The following TMEM132B variants were observed in gnomAD, a reference collection of about 807,000 sequenced individuals.
The protein encoded by TMEM132B is transmembrane protein 132B.
A neutral mutation model predicts 90.8 loss-of-function variants in TMEM132B; 18 were observed. The ratio of observed to expected loss-of-function variants is 0.20; its 90% CI spans 0.14 to 0.29. The LOEUF (loss-of-function observed/expected upper bound fraction) is 0.29, where lower values mean the gene tolerates loss of function less well. TMEM132B is among the 10% of genes least tolerant of loss of function. TMEM132B has a pLI of 1.00. For synonymous variants in TMEM132B, 504 were observed against 523.3 expected, an observed-to-expected ratio of 0.96 and a Z score of 0.50; for missense variants, 1,096 against 1,326.8, an observed-to-expected ratio of 0.83 and a Z score of 2.70.
chr12:125,539,038 C>T (rs1297678174), intron 4 of TMEM132B, among the ~76,000 whole-genome samples: 1 of 152,172 alleles, frequency 6.6e-6, no homozygotes, highest in Non-Finnish European at 1.5e-5. Flanking sequence ...TGCCTGGTCT[C>T]CCTGTTCCAC....
intron 1 of TMEM132B, among the ~76,000 whole-genome samples, chr12:125,331,899 A>G (rs577398735): frequency 4.2e-4 from 64 of 152,130 alleles, no homozygotes; most frequent in Non-Finnish European, 8.5e-4. Context: ...GACTACAGAC[A>G]CTTGCTGTCT....
At chr12:125,457,168 G>A (rs1456592392) in intron 3 of TMEM132B, among the ~76,000 whole-genome samples, 2 of 152,202 alleles carry the variant, frequency 1.3e-5, no homozygotes, top group African/African-American at 4.8e-5. Flanking sequence ...GCAAGTGACA[G>A]GAAGCTGATG....
intron 1 of TMEM132B, among the ~76,000 whole-genome samples, chr12:125,285,813 G>A (rs1337215555): frequency 1.3e-5 from 2 of 152,204 alleles, no homozygotes; most frequent in East Asian, 1.9e-4. Flanking sequence ...AGGGGGCAAA[G>A]CGTTTCCCAG....
At chr12:125,615,143 C>T (rs1885956534) in intron 5 of TMEM132B, among the ~76,000 whole-genome samples, 1 of 151,932 alleles carries the variant, frequency 6.6e-6, no homozygotes, top group Non-Finnish European at 1.5e-5. Flanking sequence ...TGTGATGTGT[C>T]TGAGTGTGAA....
chr12:125,215,629 C>T (rs1873421798), intron 1 of TMEM132B, among the ~76,000 whole-genome samples: 2 of 152,208 alleles, frequency 1.3e-5, no homozygotes, highest in African/African-American at 2.4e-5. Context: ...ACAACCTCCA[C>T]CTCCCAGGCT....
intron 3 of TMEM132B, among the ~76,000 whole-genome samples, chr12:125,466,541 A>G (rs891181324): frequency 6.6e-6 from 1 of 152,250 alleles, no homozygotes; most frequent in Non-Finnish European, 1.5e-5. Flanking sequence ...AGCAACTGAC[A>G]TGATTCACAG....
At chr12:125,399,578 G>A (rs142554279) in intron 2 of TMEM132B, among the ~76,000 whole-genome samples, 55 of 151,246 alleles carry the variant, frequency 3.6e-4, no homozygotes, top group African/African-American at 1.3e-3. Context: ...ACTCTAGAAG[G>A]AACCCACCCT....
At chr12:125,495,369 C>T (rs1394966035) in intron 3 of TMEM132B, among the ~76,000 whole-genome samples, 1 of 150,256 alleles carries the variant, frequency 6.7e-6, no homozygotes, top group Admixed American at 6.7e-5. Flanking sequence ...CTGGAAATGG[C>T]CGTGTCCCTC....
intron 2 of TMEM132B, among the ~76,000 whole-genome samples, chr12:125,394,762 C>A (rs1879124404): frequency 6.6e-6 from 1 of 152,108 alleles, no homozygotes; most frequent in Admixed American, 6.5e-5. Context: ...ATATGGAGGC[C>A]ATTATCCTAA....
intron 2 of TMEM132B, among the ~76,000 whole-genome samples, chr12:125,404,519 A>G (rs961636344): frequency 6.6e-6 from 1 of 152,196 alleles, no homozygotes; most frequent in African/African-American, 2.4e-5. Context: ...ATGGTAGTTC[A>G]TTGTTAGGAA....
intron 1 of TMEM132B, among the ~76,000 whole-genome samples, chr12:125,280,378 T>C (rs1395976068): frequency 1.3e-5 from 2 of 152,234 alleles, no homozygotes; most frequent in African/African-American, 2.4e-5. Flanking sequence ...AAATAAAAAG[T>C]ATTTTTTAAA....
chr12:125,362,918 T>C (rs1309434615), intron 2 of TMEM132B, among the ~76,000 whole-genome samples: 1 of 152,234 alleles, frequency 6.6e-6, no homozygotes, highest in African/African-American at 2.4e-5. Context: ...AAGAGCACTT[T>C]CTCATGCCCC....
In TMEM132B at chr12:125,350,200, C is replaced by T. The variant is rs995520624; in HGVS notation, c.816C>T (p.Thr272=). The T allele has an allele frequency of 3.1e-6, 5 of 1,614,022 alleles. No homozygotes were observed. In the African/African-American group the frequency reaches 5.3e-5, roughly 17 times the overall value. ...ERIGSVVVYP[T]QDDLKWSLVS... is the part of the protein sequence containing the mutation. ...TTGGGAGTGTGGTGGTCTACCCAAC[C>T]CAAGATGATCTGAAGTGGTCCCTGG... Residue 272 remains threonine, a synonymous_variant, in exon 2 of 9, where the codon ACC becomes ACT. Transcript: ENST00000682704.
chr12:125,654,472 C>T lies in TMEM132B; in HGVS notation c.3014C>T (p.Pro1005Leu), dbSNP rs1593049341. 5.6e-6 allele frequency: 9 copies of T among 1,613,726 alleles called. No individual in the cohort carries two copies. Among genetic ancestry groups the T allele is most frequent in the African/African-American group, 4.0e-5 (3 of 75,008 alleles). The change falls in exon 9 of 9, where the codon CCC (proline) becomes CTC (leucine). Residue 1005 changes from proline to leucine, a missense_variant. Physicochemically the swap from Pro to Leu is moderately conservative, Grantham distance 98. Transcript: ENST00000682704. The surrounding 1 kb of genome is among the most constrained non-coding windows in gnomAD (Gnocchi z 5.8). ...ACTTTTCATAGTCAACTACTCAGAC[C>T]CTCTGACTATGTCTATGAGAAAGAA... ...QKTFHSQLLR[P>L]SDYVYEKEIK...
intron 1 of TMEM132B, among the ~76,000 whole-genome samples, chr12:125,254,683 T>C (rs1466343413): frequency 1.2e-5 from 1 of 81,594 alleles, no homozygotes; most frequent in Non-Finnish European, 2.4e-5. Flanking sequence ...CTCTTCCTAC[T>C]TTTTTTTTTT....
chr12:125,231,835 C>T (rs1458153481), intron 1 of TMEM132B, among the ~76,000 whole-genome samples: 3 of 152,004 alleles, frequency 2.0e-5, no homozygotes, highest in African/African-American at 4.8e-5. Flanking sequence ...GCATGTACTT[C>T]GTAAAAACAG....
intron 5 of TMEM132B, among the ~76,000 whole-genome samples, chr12:125,626,028 T>C (rs1049454107): frequency 6.6e-6 from 1 of 152,250 alleles, no homozygotes; most frequent in African/African-American, 2.4e-5. Context: ...TTTTTACTTT[T>C]GTTACTAATA....
chr12:125,404,409 G>T (rs1298159402), intron 2 of TMEM132B, among the ~76,000 whole-genome samples: 4 of 152,190 alleles, frequency 2.6e-5, no homozygotes, highest in African/African-American at 9.7e-5. Context: ...ATCTGGAGAA[G>T]AAGTGTTTAG....
intron 1 of TMEM132B, among the ~76,000 whole-genome samples, chr12:125,234,968 A>G (rs971663141): frequency 1.3e-5 from 2 of 151,892 alleles, no homozygotes; most frequent in African/African-American, 4.8e-5. Context: ...TTTCCAGCGT[A>G]CTCTTTGCAG....
Sources: gnomAD v4.1 joint callset for allele counts (sites outside exome capture counted in the v4.1 genomes callset) on GRCh38, gnomAD v4.1.1 for gene constraint, Gnocchi (gnomAD v3.1) non-coding constraint, MANE v1.5 for transcripts, NCBI Gene and HGNC (gene_info 2026-07-23, HGNC 2026-07-21) for gene names.